Variants in NFIB observed in about 807,000 individuals in gnomAD.
NFIB encodes nuclear factor 1 B-type.
Under a neutral mutation model 61.5 loss-of-function variants are expected in NFIB, and 11 were observed. The ratio of observed to expected loss-of-function variants is 0.18; its 90% CI spans 0.11 to 0.30. The LOEUF (loss-of-function observed/expected upper bound fraction) is 0.30, where lower values mean the gene tolerates loss of function less well. NFIB is among the 10% of genes least tolerant of loss of function. NFIB has a pLI of 1.00. For synonymous variants in NFIB, 260 were observed against 216.5 expected (o/e 1.20, Z -1.76); for missense variants, 471 against 608.9 (o/e 0.77, Z 2.38).
At chr9:14,159,478 T>G (rs1332366095) in intron 3 of NFIB, among the ~76,000 whole-genome samples, 2 of 152,144 alleles carry the variant, frequency 1.3e-5, no homozygotes, top group African/African-American at 2.4e-5. Flanking sequence ...TGATGCCTAT[T>G]AACCATGTAC....
chr9:14,274,668 A>C (rs1287043879), intron 2 of NFIB, among the ~76,000 whole-genome samples: 3 of 152,220 alleles, frequency 2.0e-5, no homozygotes, highest in Admixed American at 6.5e-5. Context: ...AATCACCAGC[A>C]TTCCTGGGAT....
chr9:14,348,734 A>C (rs73641910), intron 1 of NFIB, among the ~76,000 whole-genome samples: 1 of 152,194 alleles, frequency 6.6e-6, no homozygotes, highest in Admixed American at 6.5e-5. Flanking sequence ...AGTCAGCTGC[A>C]TGTGGCAGTG....
intron 2 of NFIB, among the ~76,000 whole-genome samples, chr9:14,284,801 T>C (rs185656623): frequency 3.9e-5 from 6 of 152,308 alleles, no homozygotes; most frequent in Admixed American, 2.6e-4. Flanking sequence ...GTGAGTGGGA[T>C]AGGGAAGATC....
At chr9:14,397,320 A>C (rs2061696839) in intron 1 of NFIB, among the ~76,000 whole-genome samples, 1 of 152,086 alleles carries the variant, frequency 6.6e-6, no homozygotes, top group Non-Finnish European at 1.5e-5. Flanking sequence ...GTAAATATGC[A>C]AAGATAACTG....
chr9:14,367,829 T>G (rs1012251019), intron 1 of NFIB, among the ~76,000 whole-genome samples: 4 of 151,952 alleles, frequency 2.6e-5, no homozygotes, highest in Non-Finnish European at 5.9e-5. Flanking sequence ...AGTTGAACAA[T>G]GGGAACACAT....
chr9:14,128,764 C>A (rs1354976166), intron 6 of NFIB, among the ~76,000 whole-genome samples: 1 of 151,502 alleles, frequency 6.6e-6, no homozygotes, highest in South Asian at 2.1e-4. Flanking sequence ...CTGGGTATGT[C>A]ATTTCTGGAG....
chr9:14,129,906 G>C (rs2130929182), intron 6 of NFIB, among the ~76,000 whole-genome samples: 1 of 152,306 alleles, frequency 6.6e-6, no homozygotes, highest in East Asian at 1.9e-4. Flanking sequence ...AGGATTAGCT[G>C]ATGTTTCTAC....
the NFIB span, among the ~76,000 whole-genome samples, chr9:14,427,937 G>GTTGTTTTTTTTTT: frequency 2.8e-4 from 12 of 43,384 alleles, no homozygotes; most frequent in East Asian, 7.9e-4. Flanking sequence ...TAATTCAGTT[G>GTTGTTTTTTTTTT]TTTTTTTTTT....
chr9:14,147,873 C>A, intron 5 of NFIB, among the ~76,000 whole-genome samples: 1 of 151,912 alleles, frequency 6.6e-6, no homozygotes, highest in Admixed American at 6.6e-5. Context: ...AATTCCTGGA[C>A]TCAAGCGATC....
chr9:14,491,682 T>C, the NFIB span, among the ~76,000 whole-genome samples: 1 of 152,204 alleles, frequency 6.6e-6, no homozygotes, highest in Non-Finnish European at 1.5e-5. Flanking sequence ...AATTACTTCT[T>C]ATCTATTGAG....
the NFIB span, among the ~76,000 whole-genome samples, chr9:14,500,621 C>T: frequency 6.6e-6 from 1 of 152,002 alleles, no homozygotes; most frequent in Non-Finnish European, 1.5e-5. Flanking sequence ...CTTTAGAATC[C>T]CAGTGCCCAG....
intron 2 of NFIB, among the ~76,000 whole-genome samples, chr9:14,195,001 T>A (rs2048324493): frequency 6.6e-6 from 1 of 151,990 alleles, no homozygotes; most frequent in African/African-American, 2.4e-5. Flanking sequence ...CCCGTAAGCT[T>A]CTCCACAATG....
At chr9:14,472,903 C>G in the NFIB span, among the ~76,000 whole-genome samples, 4 of 151,902 alleles carry the variant, frequency 2.6e-5, no homozygotes, top group African/African-American at 9.7e-5. Flanking sequence ...ACAACCAAAC[C>G]AAAGCTGGTT....
At chr9:14,334,766 A>ATAC (rs2060865598) in intron 1 of NFIB, among the ~76,000 whole-genome samples, 1 of 152,224 alleles carries the variant, frequency 6.6e-6, no homozygotes, top group South Asian at 2.1e-4. Flanking sequence ...TACACCCATG[A>ATAC]AACCATTACC....
intron 6 of NFIB, among the ~76,000 whole-genome samples, chr9:14,131,351 C>A (rs528732166): frequency 1.3e-5 from 2 of 152,162 alleles, no homozygotes; most frequent in South Asian, 4.1e-4. Flanking sequence ...TTTTCCTGAC[C>A]ATACTATATA....
chr9:14,114,298 C>A (rs1352029248), intron 9 of NFIB, among the ~76,000 whole-genome samples: 2 of 152,182 alleles, frequency 1.3e-5, no homozygotes, highest in African/African-American at 4.8e-5. Context: ...CTCCAAGCCT[C>A]TGGAATTCAC....
At chr9:14,322,849 C>T (rs1245400601) in intron 1 of NFIB, among the ~76,000 whole-genome samples, 2 of 151,608 alleles carry the variant, frequency 1.3e-5, no homozygotes, top group Admixed American at 6.6e-5. Flanking sequence ...CGGAGAGCGG[C>T]GAGGGCGTGA....
At chr9:14,164,676 G>A (rs1200542859) in intron 3 of NFIB, among the ~76,000 whole-genome samples, 3 of 152,076 alleles carry the variant, frequency 2.0e-5, no homozygotes, top group African/African-American at 7.2e-5. Context: ...AAACTTAAAT[G>A]GGCAAGTATT....
At position 14,273,118 on chromosome 9, in the gene NFIB, C is replaced by CA. The variant is rs562147128; in HGVS notation, c.562+33870dup. Among the ~76,000 whole-genome samples, 100 of 152,290 alleles carry CA rather than the reference C, an allele frequency of 6.6e-4. 1 individual carries two copies. The South Asian group carries it at 0.021, about 32-fold the overall frequency. On this transcript the variant is annotated intron_variant, in intron 2 of 10. Transcript: ENST00000380953. ...ACTCATTAACGAGCCAGCAATGCTA[C>CA]AAAGCTTTTGCTCGTCTGGGAAAAC...
Sources: allele counts gnomAD v4.1 joint callset (sites outside exome capture counted in the v4.1 genomes callset), GRCh38; gene constraint gnomAD v4.1.1; transcripts MANE v1.5; gene names NCBI Gene and HGNC (gene_info 2026-07-23, HGNC 2026-07-21).